The following KYNU variants were observed in gnomAD, a reference collection of about 807,000 sequenced individuals.
KYNU encodes the protein L-kynurenine hydrolase.
KYNU carries 54 observed loss-of-function variants against 59.2 expected under a neutral mutation model. The ratio of observed to expected loss-of-function variants is 0.91; its 90% CI spans 0.73 to 1.14. The LOEUF (loss-of-function observed/expected upper bound fraction) is 1.14, where lower values mean the gene tolerates loss of function less well. Among genes scored for constraint, KYNU ranks in the 50% most tolerant of loss-of-function variants. KYNU has a pLI of 0.00. For missense variants in KYNU, 567 were observed against 554.4 expected, an observed-to-expected ratio of 1.02 and a Z score of -0.23; for synonymous variants, 177 against 192.0, an observed-to-expected ratio of 0.92 and a Z score of 0.65.
At chr2:142,898,628 G>T (rs1256756130) in intron 2 of KYNU, among the ~76,000 whole-genome samples, 6 of 152,118 alleles carry the variant, frequency 3.9e-5, no homozygotes, top group African/African-American at 1.2e-4. Flanking sequence ...TATATGGAAA[G>T]AATTTTTAAA....
At chr2:142,948,696 C>T (rs1845048) in intron 4 of KYNU, among the ~76,000 whole-genome samples, 13,234 of 152,192 alleles carry the variant, frequency 0.087, 1,724 homozygotes, top group African/African-American at 0.28. Context: ...CCCACCAGGT[C>T]CCTCCCACAA....
At chr2:143,006,224 C>T (rs942542166) in intron 10 of KYNU, among the ~76,000 whole-genome samples, 72 of 152,014 alleles carry the variant, frequency 4.7e-4, no homozygotes, top group Non-Finnish European at 7.5e-4. Flanking sequence ...CGAAACAGGG[C>T]GAGGCATTGC....
At chr2:142,974,656 G>A (rs1364534789) in intron 8 of KYNU, among the ~76,000 whole-genome samples, 1 of 152,112 alleles carries the variant, frequency 6.6e-6, no homozygotes, top group African/African-American at 2.4e-5. Flanking sequence ...GAAGCCTTCT[G>A]GAACTTAAAC....
chr2:142,940,836 A>G (rs1683572163), intron 4 of KYNU, among the ~76,000 whole-genome samples: 1 of 152,220 alleles, frequency 6.6e-6, no homozygotes. Context: ...AGGGATTTCC[A>G]CAGTGCCCTT....
rs1004944543 is a variant in KYNU, at chr2:143,044,843, A to G, written c.*2671A>G. On this transcript the variant is annotated 3_prime_UTR_variant, in exon 14 of 14. Transcript: ENST00000264170. Reference sequence around the variant, plus strand: ...AAGCTCTTTAGTTTAATCAGGTTCCATTTGTCAGTTTTGGCTTTTGTTGCA... The same window carrying G: ...AAGCTCTTTAGTTTAATCAGGTTCCGTTTGTCAGTTTTGGCTTTTGTTGCA... The G allele has an allele frequency of 2.6e-5, 4 of 151,580 alleles. No individual in the cohort carries two copies. Among genetic ancestry groups the G allele is most frequent in the South Asian group, 2.1e-4 (1 of 4,824 alleles). 9.4% of individuals were successfully genotyped at this position (151,580 alleles called of 1,614,324 possible). A position where few individuals can be genotyped will look rare whatever the true frequency, so the allele number is the denominator to read the frequency against.
intron 3 of KYNU, among the ~76,000 whole-genome samples, chr2:142,926,999 C>T (rs887037179): frequency 6.6e-6 from 1 of 152,150 alleles, no homozygotes; most frequent in Non-Finnish European, 1.5e-5. Flanking sequence ...TATTTGCCTT[C>T]TTCATTTCAT....
chr2:142,931,856 C>A (rs778485246), intron 4 of KYNU, among the ~76,000 whole-genome samples: 1 of 152,014 alleles, frequency 6.6e-6, no homozygotes, highest in Non-Finnish European at 1.5e-5. Context: ...TGAAGGCCGG[C>A]CTGTTATTGG....
chr2:143,017,795 TG>T (rs1333227185), intron 10 of KYNU, among the ~76,000 whole-genome samples: 8 of 152,120 alleles, frequency 5.3e-5, no homozygotes, highest in Admixed American at 4.6e-4. Context: ...TGTATCATTG[TG>T]GGTTTGATTT....
intron 2 of KYNU, 118 bp downstream of exon 2, chr2:142,885,654 T>G: frequency 1.0e-6 from 1 of 982,978 alleles, no homozygotes; most frequent in Non-Finnish European, 1.5e-6. Flanking sequence ...GTTGCAATTA[T>G]GTTTGAAAAG....
At chr2:142,899,547 G>C (rs114988418) in intron 2 of KYNU, among the ~76,000 whole-genome samples, 32 of 152,244 alleles carry the variant, frequency 2.1e-4, no homozygotes, top group African/African-American at 7.2e-4. Context: ...GCCGAACAAC[G>C]CTCTTAACTG....
intron 2 of KYNU, among the ~76,000 whole-genome samples, chr2:142,886,556 G>A (rs1192479202): frequency 6.6e-6 from 1 of 150,908 alleles, no homozygotes; most frequent in Non-Finnish European, 1.5e-5. Flanking sequence ...AATAAAATGA[G>A]GCTATAAGTG....
At chr2:142,892,361 CT>C (rs1050359402) in intron 2 of KYNU, among the ~76,000 whole-genome samples, 2 of 152,144 alleles carry the variant, frequency 1.3e-5, no homozygotes, top group Non-Finnish European at 2.9e-5. Context: ...CTAGGCAGAC[CT>C]TAGTGTGGAG....
intron 2 of KYNU, among the ~76,000 whole-genome samples, chr2:142,905,444 C>T (rs1205697696): frequency 5.9e-5 from 9 of 152,160 alleles, no homozygotes. Context: ...AAGCATCTAT[C>T]CTTGTGTCCC....
chr2:142,939,503 G>A (rs1683508172), intron 4 of KYNU, among the ~76,000 whole-genome samples: 2 of 149,142 alleles, frequency 1.3e-5, no homozygotes, highest in Non-Finnish European at 3.0e-5. Flanking sequence ...TCAGGAGGCT[G>A]AGGCAGGAGA....
intron 4 of KYNU, among the ~76,000 whole-genome samples, chr2:142,939,620 A>G (rs1420374730): frequency 6.7e-6 from 1 of 148,680 alleles, no homozygotes; most frequent in Admixed American, 6.8e-5. Context: ...AAAAAAAAAA[A>G]AAGAAAAAAG....
intron 10 of KYNU, among the ~76,000 whole-genome samples, chr2:142,994,273 G>T (rs1337866457): frequency 6.6e-5 from 10 of 152,000 alleles, no homozygotes; most frequent in African/African-American, 2.2e-4. Flanking sequence ...CAGGTACCAA[G>T]TCCTGGTACT....
chr2:142,985,065 T>G lies in KYNU; in HGVS notation c.730-19T>G, dbSNP rs1685158948. The G allele has an allele frequency of 7.2e-7, 1 of 1,396,534 alleles. No homozygotes were observed. The highest frequency in any genetic ancestry group is 1.0e-6 in the Non-Finnish European group (1 of 982,106). 86.5% of individuals were successfully genotyped at this position (1,396,534 alleles called of 1,614,324 possible). A position where few individuals can be genotyped will look rare whatever the true frequency, so the allele number is the denominator to read the frequency against. ...AATCATGAAGCAAACTTAAAGCTTATTATTGTGTTCTTCCCTAGGGTTGTT... is the reference window on the plus strand; with the variant it reads ...AATCATGAAGCAAACTTAAAGCTTAGTATTGTGTTCTTCCCTAGGGTTGTT... On this transcript the variant is annotated intron_variant, in intron 8 of 13. Transcript: ENST00000264170.
intron 3 of KYNU, among the ~76,000 whole-genome samples, chr2:142,926,385 A>G (rs903996864): frequency 6.6e-6 from 1 of 152,228 alleles, no homozygotes; most frequent in Non-Finnish European, 1.5e-5. Flanking sequence ...AATATTGCAT[A>G]ATTCTAAAAT....
At chr2:142,964,571 A>G (rs1173572144) in intron 8 of KYNU, 1 of 152,152 alleles carries the variant, frequency 6.6e-6, no homozygotes, top group East Asian at 1.9e-4. Context: ...TTGATTTTCT[A>G]TATATCTTTT....
Sources: gnomAD v4.1 joint callset for allele counts (sites outside exome capture counted in the v4.1 genomes callset) on GRCh38, gnomAD v4.1.1 for gene constraint, MANE v1.5 for transcripts, NCBI Gene and HGNC (gene_info 2026-07-23, HGNC 2026-07-21) for gene names.